FAM234A: variants seen among roughly 807,000 people sequenced by gnomAD.
FAM234A encodes the protein family with sequence similarity 234 member A, also known as protein FAM234A.
Under a neutral mutation model 49.1 loss-of-function variants are expected in FAM234A, and 42 were observed. That is an observed-to-expected ratio of 0.86 (90% CI 0.67 to 1.11). The LOEUF (loss-of-function observed/expected upper bound fraction) is 1.11. Ranked by LOEUF, FAM234A falls within the 50% of genes least tolerant of loss-of-function variation. FAM234A has a pLI of 0.00. For synonymous variants in FAM234A, 369 were observed against 316.2 expected (o/e 1.17, Z -1.77); for missense variants, 815 against 745.2 (o/e 1.09, Z -1.09).
At chr16:252,869 C>T (rs1431965077) in intron 2 of FAM234A, among the ~76,000 whole-genome samples, 1 of 152,192 alleles carries the variant, frequency 6.6e-6, no homozygotes, top group African/African-American at 2.4e-5. Flanking sequence ...CCCTCGCTGA[C>T]CTCCGCACGC....
rs766392200 is a variant in FAM234A at position 262,534 on chromosome 16, C to A, written c.952C>A (p.Arg318Ser). 6.2e-7 allele frequency: 1 copy of A among 1,607,356 alleles called. No individual in the cohort carries two copies. The highest frequency in any genetic ancestry group is 1.7e-5 in the Admixed American group (1 of 58,848). ...GGAGAGCATGCTCAATGCCACCACCCGCAGGATGCTTTCCCACAGGTGGGT... is the reference window on the plus strand; with the variant it reads ...GGAGAGCATGCTCAATGCCACCACCAGCAGGATGCTTTCCCACAGGTGGGT... ...HWESMLNATT[R>S]RMLSHSSGAV... Residue 318 changes from arginine to serine, a missense_variant, in exon 8 of 13, where the codon CGC becomes AGC. Physicochemically the swap from Arg to Ser is moderately radical, Grantham distance 110. Coordinates refer to ENST00000399932, the MANE Select transcript of FAM234A (RefSeq NM_032039.4).
At chr16:246,451 G>T (rs1441269028) in intron 1 of FAM234A, among the ~76,000 whole-genome samples, 7 of 94,066 alleles carry the variant, frequency 7.4e-5, no homozygotes, top group Admixed American at 1.6e-4. Context: ...AGATAGTCTT[G>T]CTCTGTCGCC....
chr16:268,293 C>T, downstream of FAM234A: 1 of 236,662 alleles, frequency 4.2e-6, no homozygotes, highest in Non-Finnish European at 8.4e-6. Context: ...CCATAAGCTG[C>T]ACCCACAGCA....
chr16:247,438 A>G (rs545324952), intron 1 of FAM234A, among the ~76,000 whole-genome samples: 31 of 145,260 alleles, frequency 2.1e-4, no homozygotes, highest in African/African-American at 7.8e-4. Context: ...CTTATTAATG[A>G]TTTTTTTTTT....
chr16:254,556 G>A lies in FAM234A; in HGVS notation c.143G>A (p.Arg48Gln), dbSNP rs747976922. The change falls in exon 3 of 13, where the codon CGA becomes CAA. Residue 48 changes from arginine to glutamine, a missense_variant. By Grantham distance (43) the Arg-to-Gln change is conservative. Coordinates refer to ENST00000399932, the MANE Select transcript of FAM234A (RefSeq NM_032039.4). Reference sequence around the variant, plus strand: ...CCACAGTCCCGGCTCTCCCGGTGCCGAGCGGCGGCGTTTTTTCTTTCATTG... The same window carrying A: ...CCACAGTCCCGGCTCTCCCGGTGCCAAGCGGCGGCGTTTTTTCTTTCATTG... ...APPQSRLSRC[R>Q]AAAFFLSLFL... 3 of 1,614,192 alleles carry A rather than the reference G, an allele frequency of 1.9e-6. No individual in the cohort carries two copies. Among genetic ancestry groups the A allele is most frequent in the East Asian group, 2.2e-5 (1 of 44,886 alleles).
rs970642337 is a variant in FAM234A at position 254,388 on chromosome 16, G to A, written c.-26G>A. ...CTTGCTTTATCGACACAGTGACCAG[G>A]AGTTAAACTTTGGGATGTGCCCGTG... is the stretch of plus-strand genomic sequence containing the variant. On this transcript the variant is annotated 5_prime_UTR_variant, in exon 3 of 13. Coordinates refer to ENST00000399932, the MANE Select transcript of FAM234A (RefSeq NM_032039.4). The A allele has an allele frequency of 1.5e-5, 24 of 1,612,038 alleles. No individual in the cohort carries two copies. The Admixed American group carries it at 3.7e-4, about 25-fold the overall frequency.
chr16:249,777 A>T (rs2050932950), intron 2 of FAM234A, 123 bp downstream of exon 2: 1 of 151,932 alleles, frequency 6.6e-6, no homozygotes. Context: ...TCTAGCTCCC[A>T]CCAGATGAGG....
At chr16:257,506 A>G (rs965640854) in intron 3 of FAM234A, among the ~76,000 whole-genome samples, 4 of 151,906 alleles carry the variant, frequency 2.6e-5, no homozygotes, top group Non-Finnish European at 2.9e-5. Context: ...TCGGCCTCCC[A>G]TAGTGCTGGG....
rs1210861295 is a variant in FAM234A, at chr16:252,985, ATGAT to A, written c.-33-1395_-33-1392del. ...GCATGATCACGTCCAGTCTCTCAGT[ATGAT>A]GTGTTAGGACATCGGTTTGGTTGTT... On this transcript the variant is annotated intron_variant, in intron 2 of 12. Transcript: ENST00000399932. Among the ~76,000 whole-genome samples, 6 of 152,344 alleles carry A rather than the reference ATGAT, an allele frequency of 3.9e-5. No individual in the cohort carries two copies. In the East Asian group the frequency reaches 9.6e-4, roughly 24 times the overall value.
intron 3 of FAM234A, among the ~76,000 whole-genome samples, chr16:255,261 A>G (rs2051186006): frequency 6.6e-6 from 1 of 152,214 alleles, no homozygotes; most frequent in South Asian, 2.1e-4. Context: ...ACGTGCTGGG[A>G]TTACAGGTGT....
At chr16:262,858 C>G (rs1406395941) in intron 8 of FAM234A, among the ~76,000 whole-genome samples, 1 of 142,366 alleles carries the variant, frequency 7.0e-6, no homozygotes, top group African/African-American at 2.6e-5. Flanking sequence ...CTTGCCCTGT[C>G]CCCCAGGCTG....
intron 2 of FAM234A, 72 bp from the exon 3 acceptor site, chr16:254,309 C>T (rs1441864693): frequency 2.3e-6 from 3 of 1,313,560 alleles, no homozygotes; most frequent in South Asian, 2.8e-5. Context: ...CCGACGCCAG[C>T]AGACCCCTCT....
chr16:240,970 G>A (rs1015525986), intron 1 of FAM234A, among the ~76,000 whole-genome samples: 1 of 151,918 alleles, frequency 6.6e-6, no homozygotes, highest in African/African-American at 2.4e-5. Context: ...ACAGGGTCTT[G>A]CCCTGTTGCC....
At chr16:256,081 T>C (rs2051220105) in intron 3 of FAM234A, among the ~76,000 whole-genome samples, 1 of 152,240 alleles carries the variant, frequency 6.6e-6, no homozygotes, top group African/African-American at 2.4e-5. Flanking sequence ...GTCTTTCCGT[T>C]GCTGAGCAGT....
intron 3 of FAM234A, among the ~76,000 whole-genome samples, chr16:257,236 CTTTTTTTTTTTTTTT>C (rs759071082): frequency 2.2e-5 from 2 of 89,012 alleles, no homozygotes; most frequent in Admixed American, 1.2e-4. Flanking sequence ...TCAATGAAGT[CTTTTTTTTTTTTTTT>C]TTTTTTTTTT....
chr16:241,516 G>A lies in FAM234A; in HGVS notation c.-140+6659G>A, dbSNP rs969847246. 1.1e-4 allele frequency among the ~76,000 whole-genome samples: 16 copies of A among 151,768 alleles called. 1 individual carries two copies. The highest frequency in any genetic ancestry group is 9.8e-4 in the Admixed American group (15 of 15,252). ...AGGCGGGAGGATCTCTTGAGCCCGG[G>A]GATTCAAGGCTGCAGTGAGCCATGA... On this transcript the variant is annotated intron_variant, in intron 1 of 12. Coordinates refer to ENST00000399932, the MANE Select transcript of FAM234A (RefSeq NM_032039.4).
chr16:266,100 C>T (rs571653403), downstream of FAM234A: 135 of 985,498 alleles, frequency 1.4e-4, no homozygotes, highest in Middle Eastern at 1.6e-3. Flanking sequence ...TGAAAAACCC[C>T]GGTGGTCAGG....
At chr16:260,552 G>A (rs1282390387) in intron 5 of FAM234A, 5 of 480,024 alleles carry the variant, frequency 1.0e-5, no homozygotes, top group African/African-American at 7.9e-5. Context: ...AGGGGAGATC[G>A]GGGCCTGTCA....
chr16:267,034 C>T (rs563765099), downstream of FAM234A, among the ~76,000 whole-genome samples: 9 of 152,222 alleles, frequency 5.9e-5, no homozygotes, highest in Admixed American at 5.2e-4. Flanking sequence ...CAAGGGGTGC[C>T]ATTGCTGGTG....
Sources: allele counts gnomAD v4.1 joint callset (sites outside exome capture counted in the v4.1 genomes callset), GRCh38; gene constraint gnomAD v4.1.1; transcripts MANE v1.5; gene names NCBI Gene and HGNC (gene_info 2026-07-23, HGNC 2026-07-21).